The following ADSL variants were observed in gnomAD, a reference collection of about 807,000 sequenced individuals.
ADSL encodes the protein adenylosuccinase.
In ADSL, 44 loss-of-function variants were observed where a neutral mutation model predicts 62.1. The observed-to-expected ratio is 0.71, with a 90% CI of 0.56 to 0.91. The LOEUF is 0.91. Ranked by LOEUF, ADSL falls within the 40% of genes least tolerant of loss-of-function variation. The pLI is 0.00. For missense variants in ADSL, 531 were observed against 627.4 expected, an observed-to-expected ratio of 0.85 and a Z score of 1.64; for synonymous variants, 198 against 220.5, an observed-to-expected ratio of 0.90 and a Z score of 0.90.
rs758511561 is a variant in ADSL, at chr22:40,366,419, T to C, written c.1369-17T>C. ...CTTAACATTTTCTTTTGTCTTGTATTTGCTTTCCTCTGGCAGGTGCAGAGA... is the reference window on the plus strand; with the variant it reads ...CTTAACATTTTCTTTTGTCTTGTATCTGCTTTCCTCTGGCAGGTGCAGAGA... On this transcript the variant is annotated splice_polypyrimidine_tract_variant and intron_variant, in intron 12 of 12. Coordinates refer to ENST00000623063, the MANE Select transcript of ADSL (RefSeq NM_000026.4). The C allele has an allele frequency of 6.4e-6, 10 of 1,564,586 alleles. No homozygotes were observed. The Admixed American group carries it at 1.0e-4, about 16-fold the overall frequency.
intron 10 of ADSL, 91 bp from the exon 11 acceptor site, chr22:40,364,185 T>C: frequency 2.1e-6 from 2 of 940,482 alleles, no homozygotes; most frequent in Middle Eastern, 3.0e-4. Context: ...AGTTAGTGTC[T>C]GTGCTGTGCA....
In ADSL at chr22:40,346,692, G is replaced by A. The variant is rs1299034745; in HGVS notation, c.134G>A (p.Trp45Ter). 1 of 1,609,158 alleles carries A rather than the reference G, an allele frequency of 6.2e-7. No homozygotes were observed. Among genetic ancestry groups the A allele is most frequent in the Non-Finnish European group, 8.5e-7 (1 of 1,178,990 alleles). Reference protein sequence around the residue: ...KFRTWRQLWLWLAEAEQTLGL... With the variant: ...KFRTWRQLWL The stretch of plus-strand genomic sequence containing the variant: ...CGGACATGGCGGCAGCTGTGGCTGT[G>A]GCTGGCGGAGGCCGAGCAGGTAACG... Residue 45 changes from tryptophan (W) to a stop codon, truncating the protein, a stop_gained, in exon 1 of 13, where the codon TGG becomes TAG. Transcript: ENST00000623063. LOFTEE classifies it high-confidence loss of function.
rs1569105191 is a variant in ADSL at position 40,366,574 on chromosome 22, T to C, written c.*52T>C. On this transcript the variant is annotated 3_prime_UTR_variant, in exon 13 of 13. Transcript: ENST00000623063. ...ATTGTTAATTGCTGAGGCATGAAAATTGTGTTACTATAATGCCTTATTTTA... is the reference window on the plus strand; with the variant it reads ...ATTGTTAATTGCTGAGGCATGAAAACTGTGTTACTATAATGCCTTATTTTA... 2 of 1,358,310 alleles carry C rather than the reference T, an allele frequency of 1.5e-6. No individual in the cohort carries two copies. The highest frequency in any genetic ancestry group is 1.7e-5 in the Admixed American group (1 of 59,596). 84.1% of individuals were successfully genotyped at this position (1,358,310 alleles called of 1,614,324 possible).
At chr22:40,361,368 G>C (rs2044781611) in intron 8 of ADSL, 26 bp downstream of exon 8, 1 of 1,613,036 alleles carries the variant, frequency 6.2e-7, no homozygotes. Context: ...AGACCTGTGA[G>C]CACACATTGC....
At chr22:40,349,733 T>G in intron 1 of ADSL, 99 bp from the exon 2 acceptor site, 2 of 1,021,176 alleles carry the variant, frequency 2.0e-6, no homozygotes, top group Non-Finnish European at 3.0e-6. Context: ...GGAGATAGGG[T>G]AGTGCTGCTA....
chr22:40,367,298 G>A lies in ADSL; in HGVS notation c.*776G>A, dbSNP rs2045034998. The A allele has an allele frequency of 6.6e-6, 1 of 152,346 alleles. No individual in the cohort carries two copies. Among genetic ancestry groups the A allele is most frequent in the Non-Finnish European group, 1.5e-5 (1 of 68,088 alleles). The allele number at this position is 152,346 out of a possible 1,614,324, so 9.4% of individuals were successfully genotyped here. A position where few individuals can be genotyped will look rare whatever the true frequency, so the allele number is the denominator to read the frequency against. On this transcript the variant is annotated 3_prime_UTR_variant, in exon 13 of 13. Transcript: ENST00000623063. ...ATTACAGGCGCCTGCCGCCATGCCT[G>A]GCTAATTTTTGTATTTTTAGACGGG...
intron 2 of ADSL, among the ~76,000 whole-genome samples, chr22:40,382,371 G>T (rs894319200): frequency 6.6e-6 from 1 of 152,070 alleles, no homozygotes; most frequent in African/African-American, 2.4e-5. Flanking sequence ...GGTATCTCAA[G>T]CAGTTGCAGC....
chr22:40,350,723 A>T (rs1429424552), intron 2 of ADSL, among the ~76,000 whole-genome samples: 1 of 151,314 alleles, frequency 6.6e-6, no homozygotes, highest in African/African-American at 2.4e-5. Context: ...GGTTCAATTG[A>T]TTCCTGTGTC....
chr22:40,367,493 A>G lies in ADSL; in HGVS notation c.*971A>G, dbSNP rs1449247056. 1 of 167,778 alleles carries G rather than the reference A, an allele frequency of 6.0e-6. No homozygotes were observed. Among genetic ancestry groups the G allele is most frequent in the Non-Finnish European group, 1.5e-5 (1 of 68,284 alleles). The allele number at this position is 167,778 out of a possible 1,614,324, so 10.4% of individuals were successfully genotyped here. A position where few individuals can be genotyped will look rare whatever the true frequency, so the allele number is the denominator to read the frequency against. On this transcript the variant is annotated 3_prime_UTR_variant, in exon 13 of 13. Transcript: ENST00000623063. ...GTGTAAGCAAGTGCCATTGGACAAG[A>G]ACGTTGTCTGTGTCATTCCTTGTTG...
chr22:40,350,131 ATCT>A, intron 2 of ADSL, 96 bp downstream of exon 2: 1 of 1,141,588 alleles, frequency 8.8e-7, no homozygotes, highest in East Asian at 2.4e-5. Context: ...GACACTATAG[ATCT>A]TTTTTTTTTT....
In ADSL at chr22:40,346,538, T is replaced by A. The variant is rs183190870; in HGVS notation, c.-21T>A. ...CGCTCTTCCCTGGTCCAGTCCACCC[T>A]GGCGGGGTCGCAGGGTTGGGATGGC... On this transcript the variant is annotated 5_prime_UTR_variant, in exon 1 of 13. Coordinates refer to ENST00000623063, the MANE Select transcript of ADSL (RefSeq NM_000026.4). 6.3e-6 allele frequency: 10 copies of A among 1,597,082 alleles called. No homozygotes were observed. The East Asian group carries it at 1.8e-4, about 29-fold the overall frequency.
At chr22:40,354,947 G>A (rs2044496997) in intron 4 of ADSL, among the ~76,000 whole-genome samples, 1 of 152,010 alleles carries the variant, frequency 6.6e-6, no homozygotes. Flanking sequence ...ACATCCATAG[G>A]TTGGAATAAC....
At chr22:40,356,785 G>A (rs79236446) in intron 4 of ADSL, among the ~76,000 whole-genome samples, 3,671 of 152,282 alleles carry the variant, frequency 0.024, 150 homozygotes, top group African/African-American at 0.084. Context: ...TGAGGCTACA[G>A]TGAGCTGTGA....
At chr22:40,352,973 G>A in intron 2 of ADSL, 100 bp from the exon 3 acceptor site, 1 of 912,412 alleles carries the variant, frequency 1.1e-6, no homozygotes, top group Non-Finnish European at 1.8e-6. Flanking sequence ...GATATAGGCT[G>A]GTAGCTGAGC....
intron 1 of ADSL, chr22:40,347,321 C>T (rs2146615574): frequency 1.3e-5 from 2 of 152,650 alleles, no homozygotes; most frequent in Non-Finnish European, 1.5e-5. Context: ...GCCTCACTGG[C>T]CTCCGCTTTG....
At chr22:40,381,630 A>G (rs1431110223) in intron 2 of ADSL, among the ~76,000 whole-genome samples, 3 of 152,194 alleles carry the variant, frequency 2.0e-5, no homozygotes, top group Non-Finnish European at 2.9e-5. Context: ...CCCAACATGT[A>G]TGTAAACTAT....
Position 40,366,511 on chromosome 22 carries a change from T to C in ADSL, c.1444T>C (p.Leu482=), listed in dbSNP as rs938446288. ...AAGCGTGATGAAGGTGAAAGCAGAA[T>C]TATGTCTGTAGAGTTGGAAGAGAAT... ...YESVMKVKAE[L]CL Residue 482 remains leucine, a synonymous_variant, in exon 13 of 13, where the codon TTA becomes CTA. Transcript: ENST00000623063. 2.5e-6 allele frequency: 4 copies of C among 1,609,734 alleles called. No homozygotes were observed. The highest frequency in any genetic ancestry group is 1.7e-6 in the Non-Finnish European group (2 of 1,176,050).
intron 1 of ADSL, chr22:40,347,170 T>G (rs8192452): frequency 0.034 from 5,836 of 172,980 alleles, 160 homozygotes; most frequent in Middle Eastern, 0.055. Flanking sequence ...CCCTAGCCCA[T>G]CCAGCTATTA....
At chr22:40,346,898 C>T (rs2044164168) in intron 1 of ADSL, among the ~76,000 whole-genome samples, 187 bp downstream of exon 1, 1 of 152,204 alleles carries the variant, frequency 6.6e-6, no homozygotes, top group African/African-American at 2.4e-5. Flanking sequence ...GAGCCGCCAC[C>T]TGTTGCCTCA....
Sources: allele counts gnomAD v4.1 joint callset (sites outside exome capture counted in the v4.1 genomes callset), GRCh38; gene constraint gnomAD v4.1.1; transcripts MANE v1.5; gene names NCBI Gene and HGNC (gene_info 2026-07-23, HGNC 2026-07-21).